BMAL1: variants seen among roughly 807,000 people sequenced by gnomAD.
The protein encoded by BMAL1 is basic helix-loop-helix ARNT like 1.
the BMAL1 span, among the ~76,000 whole-genome samples, chr11:13,365,141 G>A: frequency 1.3e-5 from 2 of 152,094 alleles, no homozygotes; most frequent in South Asian, 4.1e-4. Context: ...ACTCTCCATA[G>A]AGTTGTTATT....
the BMAL1 span, among the ~76,000 whole-genome samples, chr11:13,316,805 A>G: frequency 9.2e-5 from 14 of 152,228 alleles, no homozygotes; most frequent in African/African-American, 3.1e-4. Context: ...CGTTAGCCAC[A>G]CCCTAGGTAC....
chr11:13,358,516 T>C, the BMAL1 span: 2 of 1,613,374 alleles, frequency 1.2e-6, no homozygotes, highest in Non-Finnish European at 1.7e-6. Flanking sequence ...GGTACCAACA[T>C]GCAACGCAAT....
the BMAL1 span, among the ~76,000 whole-genome samples, chr11:13,312,909 A>G: frequency 6.6e-6 from 1 of 152,212 alleles, no homozygotes; most frequent in Non-Finnish European, 1.5e-5. Flanking sequence ...GCAGACGTCT[A>G]CATGTGTGAG....
At chr11:13,295,546 G>A in the BMAL1 span, among the ~76,000 whole-genome samples, 2 of 152,054 alleles carry the variant, frequency 1.3e-5, no homozygotes, top group Non-Finnish European at 2.9e-5. Flanking sequence ...GAGACCCCTT[G>A]CGAGGGCCGA....
chr11:13,369,294 A>C, the BMAL1 span, among the ~76,000 whole-genome samples: 1 of 152,166 alleles, frequency 6.6e-6, no homozygotes, highest in Non-Finnish European at 1.5e-5. Context: ...TCCTATTATT[A>C]ATCTTTTCTT....
chr11:13,338,523 G>C, the BMAL1 span, among the ~76,000 whole-genome samples: 4 of 152,226 alleles, frequency 2.6e-5, no homozygotes, highest in African/African-American at 7.2e-5. Context: ...TCATGTCCTT[G>C]TTACTGGTTT....
the BMAL1 span, chr11:13,354,513 C>T: frequency 5.1e-6 from 8 of 1,570,072 alleles, no homozygotes; most frequent in Middle Eastern, 1.9e-4. Flanking sequence ...CATGGAACAT[C>T]TAGCAGCCAG....
the BMAL1 span, among the ~76,000 whole-genome samples, chr11:13,305,263 A>G: frequency 2.0e-5 from 3 of 152,206 alleles, no homozygotes; most frequent in Non-Finnish European, 2.9e-5. Context: ...GCAAAACAAT[A>G]TATCATCCCT....
At chr11:13,354,206 C>CCCCCCCCAA in the BMAL1 span, 4 of 880,512 alleles carry the variant, frequency 4.5e-6, no homozygotes, top group Admixed American at 2.9e-5. Flanking sequence ...CCCGGCCCCC[C>CCCCCCCCAA]ACCACCAAAC....
At chr11:13,383,575 G>A in the BMAL1 span, among the ~76,000 whole-genome samples, 1 of 152,154 alleles carries the variant, frequency 6.6e-6, no homozygotes, top group Non-Finnish European at 1.5e-5. Flanking sequence ...ATGGCTAGGT[G>A]CAGTGGCTCA....
chr11:13,306,368 C>G, the BMAL1 span, among the ~76,000 whole-genome samples: 1 of 152,126 alleles, frequency 6.6e-6, no homozygotes, highest in Non-Finnish European at 1.5e-5. Context: ...GAAAGAAGGA[C>G]AGGAAGTTCC....
the BMAL1 span, among the ~76,000 whole-genome samples, chr11:13,279,069 G>T: frequency 1.3e-5 from 2 of 152,154 alleles, no homozygotes; most frequent in Non-Finnish European, 2.9e-5. Flanking sequence ...CTGCCGCCGC[G>T]CACCCCGCAC....
the BMAL1 span, chr11:13,358,319 TA>T: frequency 8.2e-7 from 1 of 1,214,208 alleles, no homozygotes. Flanking sequence ...CTGCAAATTC[TA>T]AATTTGCCTT....
chr11:13,385,034 G>T, the BMAL1 span, among the ~76,000 whole-genome samples: 1 of 152,166 alleles, frequency 6.6e-6, no homozygotes, highest in East Asian at 1.9e-4. Flanking sequence ...CCTGAAAGCA[G>T]CAGCTACCAA....
chr11:13,302,020 T>A, the BMAL1 span, among the ~76,000 whole-genome samples: 1 of 152,170 alleles, frequency 6.6e-6, no homozygotes, highest in Non-Finnish European at 1.5e-5. Flanking sequence ...GATGGACAGA[T>A]GCCGTATGTT....
At chr11:13,323,489 A>ACTCG in the BMAL1 span, among the ~76,000 whole-genome samples, 1 of 134,712 alleles carries the variant, frequency 7.4e-6, no homozygotes, top group Non-Finnish European at 1.6e-5. Flanking sequence ...TCCCCATGTT[A>ACTCG]TGAGGTCCCC....
chr11:13,287,860 T>C, the BMAL1 span, among the ~76,000 whole-genome samples: 217 of 152,360 alleles, frequency 1.4e-3, 2 homozygotes, highest in Middle Eastern at 0.014. Context: ...CATGTATTTA[T>C]TCAGTCAACA....
chr11:13,376,838 A>G, the BMAL1 span: 1 of 1,025,408 alleles, frequency 9.8e-7, no homozygotes. Flanking sequence ...CTGTGGAACA[A>G]GGGAGGCCTC....
chr11:13,314,707 A>G, the BMAL1 span, among the ~76,000 whole-genome samples: 1 of 152,312 alleles, frequency 6.6e-6, no homozygotes, highest in Admixed American at 6.5e-5. Context: ...CAGAATATCT[A>G]TTCTTGCGAA....
Sources: allele counts gnomAD v4.1 joint callset (sites outside exome capture counted in the v4.1 genomes callset), GRCh38; gene constraint gnomAD v4.1.1; transcripts MANE v1.5; gene names NCBI Gene and HGNC (gene_info 2026-07-23, HGNC 2026-07-21).